The following GRIP2 variants were observed in gnomAD, a reference collection of about 807,000 sequenced individuals.
The protein encoded by GRIP2 is glutamate receptor-interacting protein 2.
A neutral mutation model predicts 108.3 loss-of-function variants in GRIP2; 58 were observed. The ratio of observed to expected loss-of-function variants is 0.54; its 90% CI spans 0.43 to 0.67. The LOEUF (loss-of-function observed/expected upper bound fraction) is 0.67. Among genes scored for constraint, GRIP2 ranks in the 30% least tolerant of loss-of-function variants. The pLI is 0.00. For synonymous variants in GRIP2, 586 were observed against 598.2 expected (o/e 0.98, Z 0.30); for missense variants, 1,278 against 1,430.6 (o/e 0.89, Z 1.72).
intron 1 of GRIP2, among the ~76,000 whole-genome samples, chr3:14,551,481 G>A (rs1425162669): frequency 6.6e-6 from 1 of 152,204 alleles, no homozygotes; most frequent in Non-Finnish European, 1.5e-5. Context: ...ACATACAGAG[G>A]ATGGGGTATG....
chr3:14,574,283 C>T, the GRIP2 span: 1 of 959,352 alleles, frequency 1.0e-6, no homozygotes, highest in Non-Finnish European at 1.7e-6. Flanking sequence ...GGTTGTTGAG[C>T]CGTCCCACCA....
At chr3:14,493,976 C>G in intron 23 of GRIP2, 150 bp from the exon 24 acceptor site, 1 of 702,042 alleles carries the variant, frequency 1.4e-6, no homozygotes, top group Non-Finnish European at 2.2e-6. Flanking sequence ...GAGGAACATT[C>G]TTCCTCTAAC....
the GRIP2 span, among the ~76,000 whole-genome samples, chr3:14,580,461 C>T: frequency 6.6e-6 from 1 of 152,128 alleles, no homozygotes; most frequent in Admixed American, 6.5e-5. Context: ...TTTAGGAAGC[C>T]GAGGTGGGAG....
Position 14,522,043 on chromosome 3 carries a change from T to G in GRIP2, c.567-256A>C. On this transcript the variant is annotated intron_variant, in intron 6 of 23. Transcript: ENST00000621039. The surrounding 1 kb of genome is among the most constrained non-coding windows in gnomAD (Gnocchi z 4.3). Reference sequence around the variant, plus strand: ...CTGCCGCCTGCCACTCCTCTGGGTGTGCAGTAATTCACAGACTCAGTGCAG... The same window carrying G: ...CTGCCGCCTGCCACTCCTCTGGGTGGGCAGTAATTCACAGACTCAGTGCAG... The G allele has an allele frequency of 2.0e-6, 1 of 505,232 alleles. No homozygotes were observed. Among genetic ancestry groups the G allele is most frequent in the Non-Finnish European group, 3.5e-6 (1 of 286,136 alleles). The allele number at this position is 505,232 out of a possible 1,614,324, so 31.3% of individuals were successfully genotyped here.
intron 4 of GRIP2, 161 bp from the exon 5 acceptor site, chr3:14,523,859 G>C: frequency 1.6e-6 from 1 of 616,234 alleles, no homozygotes; most frequent in Non-Finnish European, 2.9e-6. Flanking sequence ...AGGCTTAGAG[G>C]GATCCTCTCC....
At chr3:14,575,070 G>T in the GRIP2 span, among the ~76,000 whole-genome samples, 1 of 152,142 alleles carries the variant, frequency 6.6e-6, no homozygotes, top group African/African-American at 2.4e-5. Context: ...GATGTGATTG[G>T]AGATGAGCCC....
At chr3:14,579,786 A>C in the GRIP2 span, among the ~76,000 whole-genome samples, 1 of 152,178 alleles carries the variant, frequency 6.6e-6, no homozygotes, top group Non-Finnish European at 1.5e-5. Context: ...CCCTTATCAA[A>C]TGTTGATTTC....
the GRIP2 span, among the ~76,000 whole-genome samples, chr3:14,583,229 G>A: frequency 1.3e-5 from 2 of 152,212 alleles, no homozygotes; most frequent in Admixed American, 1.3e-4. Flanking sequence ...CAGCAGGAGA[G>A]ACTGACTGTA....
At position 14,493,802 on chromosome 3, in the gene GRIP2, A is replaced by G. The variant is rs777232609; in HGVS notation, c.2995T>C (p.Phe999Leu). ...LQVNHVRTRD[F>L]DCCLAVPLLA... The stretch of plus-strand genomic sequence containing the variant: ...AGTGGCACCGCCAGGCAGCAGTCGA[A>G]GTCCCGTGTACGGACGTGGTTGACC... The change falls in exon 24 of 24, where the codon TTC becomes CTC. Residue 999 changes from phenylalanine to leucine, a missense_variant. Phe to Leu is a conservative substitution (Grantham distance 22, BLOSUM62 0). Coordinates refer to ENST00000621039, the MANE Select transcript of GRIP2 (RefSeq NM_001080423.4). The G allele has an allele frequency of 1.9e-5, 31 of 1,613,464 alleles. No individual in the cohort carries two copies. Among genetic ancestry groups the G allele is most frequent in the African/African-American group, 5.3e-5 (4 of 74,952 alleles).
At chr3:14,519,019 G>A (rs1009147879) in intron 9 of GRIP2, among the ~76,000 whole-genome samples, 3 of 152,368 alleles carry the variant, frequency 2.0e-5, no homozygotes, top group Non-Finnish European at 4.4e-5. Context: ...TCCCTGTAAA[G>A]TGGGAGGACA....
upstream of GRIP2, among the ~76,000 whole-genome samples, chr3:14,558,278 C>T (rs1293564164): frequency 2.0e-5 from 3 of 152,204 alleles, no homozygotes; most frequent in African/African-American, 7.2e-5. Flanking sequence ...CACATCTAGG[C>T]CCAGGGAGCA....
chr3:14,496,937 G>A (rs1693624182), intron 21 of GRIP2, among the ~76,000 whole-genome samples: 1 of 150,782 alleles, frequency 6.6e-6, no homozygotes, highest in Admixed American at 6.6e-5. Flanking sequence ...TTTGAACCCA[G>A]AGTCTAGTTC....
intron 21 of GRIP2, 45 bp downstream of exon 21, chr3:14,503,521 C>G: frequency 2.2e-6 from 3 of 1,391,218 alleles, no homozygotes; most frequent in Non-Finnish European, 2.0e-6. Flanking sequence ...CCAGAGTGAA[C>G]AGCCCCGGGT....
intron 1 of GRIP2, among the ~76,000 whole-genome samples, chr3:14,555,725 G>C (rs1176660455): frequency 6.6e-6 from 1 of 152,142 alleles, no homozygotes; most frequent in East Asian, 1.9e-4. Context: ...GGAGAGACTG[G>C]GAAGGGAACT....
chr3:14,497,589 G>C (rs569964472), intron 21 of GRIP2, among the ~76,000 whole-genome samples: 1 of 152,350 alleles, frequency 6.6e-6, no homozygotes, highest in South Asian at 2.1e-4. Context: ...AGTAAGAAAT[G>C]TGAACTTCAT....
chr3:14,531,281 T>A (rs1694704561), intron 1 of GRIP2, among the ~76,000 whole-genome samples: 1 of 152,228 alleles, frequency 6.6e-6, no homozygotes. Context: ...GATGGGGTGA[T>A]TACACAGACC....
rs1359672234 is a variant in GRIP2, at chr3:14,555,308, C to G, written c.55+592G>C. ...CACACAGCGCCCCTGCCAGGCAACC[C>G]CAGCCCATCTGGACAGCCCCACGGC... is the stretch of plus-strand genomic sequence containing the variant. On this transcript the variant is annotated intron_variant, in intron 1 of 23. Coordinates refer to the GRIP2 transcript ENST00000637182. Among the ~76,000 whole-genome samples, 6 of 152,286 alleles carry G rather than the reference C, an allele frequency of 3.9e-5. No individual in the cohort carries two copies. In the East Asian group the frequency reaches 1.2e-3, roughly 29 times the overall value.
In GRIP2 at chr3:14,511,849, C is replaced by T. The variant is rs560760022; in HGVS notation, c.1721-370G>A. On this transcript the variant is annotated intron_variant, in intron 14 of 23. Transcript: ENST00000621039. This position sits in a 1 kb window ranked among gnomAD's most constrained non-coding sequence, Gnocchi z 4.1. ...TGCTTGGTGTCTGTGTCCCCAGCAC[C>T]GGGCTCAGGGCCAGCACCCAGGCTC... Among the ~76,000 whole-genome samples the T allele has an allele frequency of 3.3e-5, 5 of 152,288 alleles. No individual in the cohort carries two copies. The highest frequency in any genetic ancestry group is 1.9e-4 in the East Asian group (1 of 5,180).
At chr3:14,584,812 G>C in the GRIP2 span, among the ~76,000 whole-genome samples, 1 of 152,132 alleles carries the variant, frequency 6.6e-6, no homozygotes, top group Non-Finnish European at 1.5e-5. Context: ...ATCTCCCCTG[G>C]AATCACTCCT....
Sources: allele counts gnomAD v4.1 joint callset (sites outside exome capture counted in the v4.1 genomes callset), GRCh38; gene constraint gnomAD v4.1.1; non-coding constraint Gnocchi (gnomAD v3.1); transcripts MANE v1.5; gene names NCBI Gene and HGNC (gene_info 2026-07-23, HGNC 2026-07-21).